EPHA5: variants seen among roughly 807,000 people sequenced by gnomAD.
EPHA5 encodes EPH receptor A5.
In EPHA5, 60 loss-of-function variants were observed where a neutral mutation model predicts 105.0. The observed-to-expected ratio is 0.57, with a 90% CI of 0.46 to 0.71. The LOEUF is 0.71. EPHA5 is among the 30% of genes least tolerant of loss of function. The pLI is 0.00. For missense variants in EPHA5, 1,218 were observed against 1,274.7 expected (o/e 0.96, Z 0.68); for synonymous variants, 513 against 449.1 (o/e 1.14, Z -1.80).
intron 2 of EPHA5, among the ~76,000 whole-genome samples, chr4:65,631,050 C>T (rs553348598): frequency 6.6e-6 from 1 of 152,072 alleles, no homozygotes; most frequent in African/African-American, 2.4e-5. Context: ...GAGCACATGC[C>T]CATCATTGTA....
At chr4:65,640,681 T>G (rs1218303566) in intron 2 of EPHA5, among the ~76,000 whole-genome samples, 1 of 152,162 alleles carries the variant, frequency 6.6e-6, no homozygotes, top group African/African-American at 2.4e-5. Flanking sequence ...TCGCTGAGGG[T>G]CTGTGTGTGC....
chr4:65,534,801 T>C (rs1383134042), intron 3 of EPHA5, among the ~76,000 whole-genome samples: 5 of 152,184 alleles, frequency 3.3e-5, no homozygotes, highest in Non-Finnish European at 5.9e-5. Context: ...AAACACTGCA[T>C]CAAATACAAC....
intron 2 of EPHA5, among the ~76,000 whole-genome samples, chr4:65,609,636 A>C (rs1232223478): frequency 1.1e-4 from 15 of 137,196 alleles, no homozygotes; most frequent in African/African-American, 3.9e-4. Flanking sequence ...GGAGGAAAAA[A>C]ATCAGTTTTT....
At position 65,643,378 on chromosome 4, in the gene EPHA5, A is replaced by C. The variant is rs780344829; in HGVS notation, c.231T>G (p.Ala77=). The change falls in exon 2 of 17, where the codon GCT becomes GCG. Residue 77 remains alanine (A), a synonymous_variant. Coordinates refer to ENST00000613740, the MANE Select transcript of EPHA5 (RefSeq NM_001281766.3). ...RTVMGDLGWI[A]FPKNGWEEIG... The stretch of plus-strand genomic sequence containing the variant: ...TAAAACTTACCCCATTTTTTGGAAA[A>C]GCAATCCATCCCAGGTCCCCCATGA... 1.5e-5 allele frequency: 25 copies of C among 1,613,110 alleles called. No individual in the cohort carries two copies. The highest frequency in any genetic ancestry group is 2.0e-5 in the Non-Finnish European group (23 of 1,179,270).
chr4:65,395,428 C>T (rs972073972), intron 8 of EPHA5, among the ~76,000 whole-genome samples: 3 of 152,122 alleles, frequency 2.0e-5, no homozygotes, highest in Non-Finnish European at 2.9e-5. Flanking sequence ...CATTTACAAC[C>T]TATCTTACTT....
rs985894602 is a variant in EPHA5, at chr4:65,663,838, T to C, written c.181+5724A>G. 1.4e-4 allele frequency among the ~76,000 whole-genome samples: 21 copies of C among 152,014 alleles called. 1 individual carries two copies. The highest frequency in any genetic ancestry group is 3.9e-4 in the Admixed American group (6 of 15,264). On this transcript the variant is annotated intron_variant, in intron 1 of 16. Coordinates refer to ENST00000613740, the MANE Select transcript of EPHA5 (RefSeq NM_001281766.3). ...AAAAATGCAAATTCCAATAAAGTCT[T>C]AATATTCAAAAATAACTGCACCACT...
At position 65,322,415 on chromosome 4, in the gene EPHA5, G is replaced by C; in HGVS notation, c.*1699C>G. On this transcript the variant is annotated 3_prime_UTR_variant, in exon 17 of 17. Transcript: ENST00000613740. ...TTTCTGATAAATTTCATTAATCCAG[G>C]CTTCTCTGATCTACTGTACTATTAA... 1 of 225,576 alleles carries C rather than the reference G, an allele frequency of 4.4e-6. No individual in the cohort carries two copies. The highest frequency in any genetic ancestry group is 8.8e-6 in the Non-Finnish European group (1 of 113,140). The allele number at this position is 225,576 out of a possible 1,614,324, so 14.0% of individuals were successfully genotyped here.
intron 1 of EPHA5, among the ~76,000 whole-genome samples, chr4:65,666,421 T>C (rs912417102): frequency 6.6e-6 from 1 of 152,218 alleles, no homozygotes; most frequent in Non-Finnish European, 1.5e-5. Flanking sequence ...AATGCTTGTT[T>C]ACAAATATAT....
intron 1 of EPHA5, among the ~76,000 whole-genome samples, chr4:65,647,052 G>C (rs1219762168): frequency 6.6e-6 from 1 of 152,088 alleles, no homozygotes; most frequent in African/African-American, 2.4e-5. Flanking sequence ...AAGTTTGCCA[G>C]GCATGGTGGC....
intron 5 of EPHA5, among the ~76,000 whole-genome samples, chr4:65,454,443 A>G (rs1727376427): frequency 6.6e-6 from 1 of 152,208 alleles, no homozygotes; most frequent in African/African-American, 2.4e-5. Context: ...ACAAATGTCA[A>G]TGCATGAAAA....
At chr4:65,465,866 TC>T (rs559624049) in intron 5 of EPHA5, among the ~76,000 whole-genome samples, 63 of 152,364 alleles carry the variant, frequency 4.1e-4, no homozygotes, top group African/African-American at 1.5e-3. Flanking sequence ...ATTCACTCGT[TC>T]ACTCATTTTT....
chr4:65,456,769 A>G (rs1188202111), intron 5 of EPHA5, among the ~76,000 whole-genome samples: 1 of 151,900 alleles, frequency 6.6e-6, no homozygotes, highest in Non-Finnish European at 1.5e-5. Context: ...CTGATTTGTA[A>G]TATGTCACCT....
chr4:65,504,724 T>C (rs967296669), intron 3 of EPHA5, among the ~76,000 whole-genome samples: 2 of 151,862 alleles, frequency 1.3e-5, no homozygotes, highest in African/African-American at 2.4e-5. Flanking sequence ...AATCACAATA[T>C]TACTTTTTGT....
At chr4:65,487,474 A>T (rs1730989041) in intron 5 of EPHA5, among the ~76,000 whole-genome samples, 1 of 152,160 alleles carries the variant, frequency 6.6e-6, no homozygotes, top group Non-Finnish European at 1.5e-5. Context: ...GCCAGAATCC[A>T]CAGGATTCCT....
chr4:65,327,430 C>T (rs1720188781), intron 16 of EPHA5, among the ~76,000 whole-genome samples: 1 of 151,190 alleles, frequency 6.6e-6, no homozygotes, highest in Admixed American at 6.6e-5. Context: ...CATCCTAAAC[C>T]CATCTCCCCA....
At chr4:65,402,615 T>A (rs577332811) in intron 8 of EPHA5, among the ~76,000 whole-genome samples, 1 of 152,282 alleles carries the variant, frequency 6.6e-6, no homozygotes, top group Admixed American at 6.5e-5. Context: ...TTCTCCTAAG[T>A]GCACACACAA....
intron 3 of EPHA5, among the ~76,000 whole-genome samples, chr4:65,529,051 A>G (rs905167080): frequency 1.3e-5 from 2 of 152,198 alleles, no homozygotes; most frequent in African/African-American, 4.8e-5. Context: ...ACTATGTTCA[A>G]TTAAAACATC....
chr4:65,351,626 C>G (rs779561310), intron 12 of EPHA5, 28 bp from the exon 13 acceptor site: 1 of 1,596,846 alleles, frequency 6.3e-7, no homozygotes, highest in African/African-American at 1.3e-5. Context: ...AAATATTAGT[C>G]TAGCAACACC....
intron 14 of EPHA5, among the ~76,000 whole-genome samples, chr4:65,344,469 G>A (rs1468883335): frequency 6.6e-6 from 1 of 152,112 alleles, no homozygotes; most frequent in Non-Finnish European, 1.5e-5. Context: ...TTATAACGTG[G>A]ATGATCTGCT....
Sources: allele counts gnomAD v4.1 joint callset (sites outside exome capture counted in the v4.1 genomes callset), GRCh38; gene constraint gnomAD v4.1.1; transcripts MANE v1.5; gene names NCBI Gene and HGNC (gene_info 2026-07-23, HGNC 2026-07-21).